CPNE8: variants seen among roughly 807,000 people sequenced by gnomAD.
The protein encoded by CPNE8 is copine 8.
CPNE8 carries 45 observed loss-of-function variants against 81.5 expected under a neutral mutation model. The observed-to-expected ratio is 0.55, with a 90% CI of 0.44 to 0.71. CPNE8 has a LOEUF of 0.71. CPNE8 is among the 30% of genes least tolerant of loss of function. The pLI is 0.00. For missense variants in CPNE8, 594 were observed against 672.1 expected (o/e 0.88, Z 1.28); for synonymous variants, 252 against 226.3 (o/e 1.11, Z -1.02).
chr12:38,905,747 T>A (rs1344692894), upstream of CPNE8: 9 of 1,405,262 alleles, frequency 6.4e-6, no homozygotes, highest in African/African-American at 1.2e-4. Context: ...AAACTGACGC[T>A]GCCAGGCAAG....
chr12:38,726,933 G>T (rs1357692119), intron 11 of CPNE8, among the ~76,000 whole-genome samples: 1 of 151,834 alleles, frequency 6.6e-6, no homozygotes, highest in Non-Finnish European at 1.5e-5. Flanking sequence ...TAATCATATA[G>T]GACCATTTCA....
chr12:38,782,180 T>C (rs1290518433), intron 6 of CPNE8, among the ~76,000 whole-genome samples: 2 of 152,158 alleles, frequency 1.3e-5, no homozygotes, highest in African/African-American at 4.8e-5. Flanking sequence ...TTCTGTACTA[T>C]TGTAACTTTT....
chr12:38,808,712 C>A (rs555418397), intron 6 of CPNE8, among the ~76,000 whole-genome samples: 5 of 151,182 alleles, frequency 3.3e-5, no homozygotes, highest in African/African-American at 1.2e-4. Flanking sequence ...ATGTAACTAA[C>A]CTGCACATTG....
At chr12:38,710,831 A>G (rs1940237140) in intron 13 of CPNE8, among the ~76,000 whole-genome samples, 1 of 152,140 alleles carries the variant, frequency 6.6e-6, no homozygotes, top group South Asian at 2.1e-4. Flanking sequence ...TGCATATGCA[A>G]CCTACATTTT....
chr12:38,793,639 T>C (rs1942381986), intron 6 of CPNE8, among the ~76,000 whole-genome samples: 1 of 152,022 alleles, frequency 6.6e-6, no homozygotes, highest in African/African-American at 2.4e-5. Flanking sequence ...ATATCCATAT[T>C]ACCCAAAGTG....
intron 6 of CPNE8, among the ~76,000 whole-genome samples, chr12:38,806,666 A>G (rs7979110): frequency 0.84 from 112,646 of 133,630 alleles, 50,403 homozygotes; most frequent in East Asian, 1. Context: ...GGCAAAAACT[A>G]GAAGCATTCC....
chr12:38,697,007 C>T (rs1223240416), intron 14 of CPNE8, among the ~76,000 whole-genome samples: 2 of 152,034 alleles, frequency 1.3e-5, no homozygotes, highest in African/African-American at 4.8e-5. Flanking sequence ...AGATTGCACC[C>T]CTGTACTCCA....
At chr12:38,670,116 T>A (rs1236996084) in intron 19 of CPNE8, among the ~76,000 whole-genome samples, 2 of 152,202 alleles carry the variant, frequency 1.3e-5, no homozygotes, top group African/African-American at 4.8e-5. Context: ...CAAATTATTT[T>A]CTATTAATGA....
intron 1 of CPNE8, among the ~76,000 whole-genome samples, chr12:38,881,357 A>G (rs1944155728): frequency 6.6e-6 from 1 of 152,230 alleles, no homozygotes; most frequent in Non-Finnish European, 1.5e-5. Flanking sequence ...AGTTAAGAAT[A>G]ATTGACTTTC....
At chr12:38,835,602 T>C (rs945469941) in intron 5 of CPNE8, among the ~76,000 whole-genome samples, 2 of 152,186 alleles carry the variant, frequency 1.3e-5, no homozygotes, top group Non-Finnish European at 2.9e-5. Flanking sequence ...TATGAATATA[T>C]ATTAATACTT....
chr12:38,687,949 T>C (rs1939571146), intron 15 of CPNE8, among the ~76,000 whole-genome samples: 1 of 152,186 alleles, frequency 6.6e-6, no homozygotes, highest in South Asian at 2.1e-4. Context: ...AAGCAGTTAG[T>C]GTTTTGATGT....
Position 38,797,268 on chromosome 12 carries a change from C to T in CPNE8, c.408-20967G>A, listed in dbSNP as rs570406423. ...CCTCAACTGCGTCCCTGACCCCTGA[C>T]CCCCGAGCAGCCTAACTGGGAGGCA... is the stretch of plus-strand genomic sequence containing the variant. On this transcript the variant is annotated intron_variant, in intron 6 of 19. Transcript: ENST00000331366. Among the ~76,000 whole-genome samples, 3 of 152,226 alleles carry T rather than the reference C, an allele frequency of 2.0e-5. No individual in the cohort carries two copies. In the South Asian group the frequency reaches 6.2e-4, roughly 32 times the overall value.
At chr12:38,681,297 A>C (rs1240684768) in intron 16 of CPNE8, among the ~76,000 whole-genome samples, 1 of 152,106 alleles carries the variant, frequency 6.6e-6, no homozygotes, top group Non-Finnish European at 1.5e-5. Context: ...GGGGATGCTT[A>C]AAACTCCATT....
Position 38,791,816 on chromosome 12 carries a change from G to A in CPNE8, c.408-15515C>T, listed in dbSNP as rs1311698971. On this transcript the variant is annotated intron_variant, in intron 6 of 19. Transcript: ENST00000331366. ...CAAGTGAACATGAAACTATCTCCAG[G>A]ACAGACCACATTTTAGGACACAAAA... Among the ~76,000 whole-genome samples the A allele has an allele frequency of 1.3e-4, 20 of 151,372 alleles. 1 individual carries two copies. The highest frequency in any genetic ancestry group is 1.3e-3 in the Admixed American group (20 of 15,210).
chr12:38,673,794 A>G (rs1383842210), intron 18 of CPNE8, among the ~76,000 whole-genome samples: 1 of 152,024 alleles, frequency 6.6e-6, no homozygotes, highest in Non-Finnish European at 1.5e-5. Context: ...GATTAGGAGA[A>G]ATAACTGAGC....
intron 15 of CPNE8, among the ~76,000 whole-genome samples, chr12:38,687,219 C>A (rs992034854): frequency 2.0e-5 from 3 of 152,022 alleles, no homozygotes; most frequent in Non-Finnish European, 4.4e-5. Flanking sequence ...ATTAACCCCA[C>A]TTTATAAAGA....
intron 6 of CPNE8, among the ~76,000 whole-genome samples, chr12:38,794,724 T>C (rs912680454): frequency 1.3e-5 from 2 of 151,812 alleles, no homozygotes; most frequent in African/African-American, 4.8e-5. Flanking sequence ...ATTGGTGGGA[T>C]TATAAAACAG....
At chr12:38,798,306 C>G (rs1252382288) in intron 6 of CPNE8, among the ~76,000 whole-genome samples, 1 of 152,084 alleles carries the variant, frequency 6.6e-6, no homozygotes, top group Admixed American at 6.5e-5. Context: ...AGAGAAAGGT[C>G]GGGTTACCCA....
At chr12:38,680,564 G>C (rs1197553302) in intron 16 of CPNE8, among the ~76,000 whole-genome samples, 2 of 151,896 alleles carry the variant, frequency 1.3e-5, no homozygotes, top group Admixed American at 6.6e-5. Flanking sequence ...ATAGTGATTT[G>C]GAGTCAGATT....
Sources: allele counts gnomAD v4.1 joint callset (sites outside exome capture counted in the v4.1 genomes callset), GRCh38; gene constraint gnomAD v4.1.1; transcripts MANE v1.5; gene names NCBI Gene and HGNC (gene_info 2026-07-23, HGNC 2026-07-21).